CYP2C8: variants seen among roughly 807,000 people sequenced by gnomAD.
The protein encoded by CYP2C8 is cytochrome P450 2C8.
Under a neutral mutation model 41.3 loss-of-function variants are expected in CYP2C8, and 51 were observed. That is an observed-to-expected ratio of 1.24 (90% CI 0.99 to 1.56). CYP2C8 has a LOEUF of 1.56. Among genes scored for constraint, CYP2C8 ranks in the 40% most tolerant of loss-of-function variants. The probability of loss-of-function intolerance (pLI) is 0.00; values close to 1 mark genes in which losing one functional copy is unlikely to be tolerated. For missense variants in CYP2C8, 651 were observed against 579.9 expected (o/e 1.12, Z -1.26); for synonymous variants, 218 against 205.8 (o/e 1.06, Z -0.51).
Position 95,036,780 on chromosome 10 carries a change from C to A in CYP2C8, c.*348G>T. ...AGGGAAAGTCTGAGAACTGAACCAG[C>A]AATTAATAACACTTTTTATTTAGCA... On this transcript the variant is annotated 3_prime_UTR_variant, in exon 9 of 9. Coordinates refer to ENST00000371270, the MANE Select transcript of CYP2C8 (RefSeq NM_000770.3). 3.2e-6 allele frequency: 1 copy of A among 316,262 alleles called. No individual in the cohort carries two copies. Among genetic ancestry groups the A allele is most frequent in the Non-Finnish European group, 6.1e-6 (1 of 164,238 alleles). 19.6% of individuals were successfully genotyped at this position (316,262 alleles called of 1,614,324 possible).
chr10:95,046,063 A>C, intron 5 of CYP2C8, 112 bp from the exon 6 acceptor site: 1 of 1,212,338 alleles, frequency 8.2e-7, no homozygotes, highest in South Asian at 1.3e-5. Context: ...GATACTGGAC[A>C]GTACAGTATT....
At chr10:95,039,756 G>A (rs1474026052) in intron 7 of CYP2C8, among the ~76,000 whole-genome samples, 1 of 152,278 alleles carries the variant, frequency 6.6e-6, no homozygotes, top group African/African-American at 2.4e-5. Flanking sequence ...CCCCTACAAT[G>A]GTAAGATCTG....
intron 5 of CYP2C8, among the ~76,000 whole-genome samples, chr10:95,049,547 G>A (rs2033176529): frequency 6.6e-6 from 1 of 152,154 alleles, no homozygotes; most frequent in Non-Finnish European, 1.5e-5. Context: ...CACAGAGGGA[G>A]CATTTAAACC....
At position 95,064,843 on chromosome 10, in the gene CYP2C8, C is replaced by T. The variant is rs1238654173; in HGVS notation, c.599G>A (p.Arg200Lys). 3.1e-6 allele frequency: 5 copies of T among 1,613,874 alleles called. No individual in the cohort carries two copies. Among genetic ancestry groups the T allele is most frequent in the Non-Finnish European group, 4.2e-6 (5 of 1,179,970 alleles). The change falls in exon 4 of 9, where the codon AGA becomes AAA. Residue 200 changes from arginine (R) to lysine (K), a missense_variant. Arg to Lys is a conservative substitution (Grantham distance 26). Coordinates refer to ENST00000371270, the MANE Select transcript of CYP2C8 (RefSeq NM_000770.3). ...CAGAATCCTGAAGTTTTCATTGAAT[C>T]TTTTCATCAGGGTGAGAAAATTCTG... The part of the protein sequence containing the change: ...KDQNFLTLMK[R>K]FNENFRILNS...
Position 95,069,237 on chromosome 10 carries a change from T to G in CYP2C8, c.166A>C (p.Asn56His). Residue 56 changes from asparagine (N) to histidine (H), a missense_variant and splice_region_variant, in exon 1 of 9, where the codon AAT (asparagine) becomes CAT (histidine). Coordinates refer to ENST00000371270, the MANE Select transcript of CYP2C8 (RefSeq NM_000770.3). The stretch of plus-strand genomic sequence containing the variant: ...GGAGGAACATAAGGCAGACTTACAT[T>G]GGTGAAAGATTTGCAGATGTCCTTA... ...DVKDICKSFT[N>H]FSKVYGPVFT... 1 of 1,614,128 alleles carries G rather than the reference T, an allele frequency of 6.2e-7. No homozygotes were observed. Among genetic ancestry groups the G allele is most frequent in the Non-Finnish European group, 8.5e-7 (1 of 1,180,024 alleles).
chr10:95,067,203 C>A lies in CYP2C8; in HGVS notation c.481+5G>T, dbSNP rs368299637. The stretch of plus-strand genomic sequence containing the variant: ...AGGTCAATGACGCAGAGTAGAGTCA[C>A]CCACCCTTGGTTTTTCTCAACTCCT... On this transcript the variant is annotated splice_donor_5th_base_variant and intron_variant, in intron 3 of 8. Coordinates refer to ENST00000371270, the MANE Select transcript of CYP2C8 (RefSeq NM_000770.3). 1.2e-5 allele frequency: 20 copies of A among 1,613,928 alleles called. No individual in the cohort carries two copies. The African/African-American group carries it at 2.5e-4, about 20-fold the overall frequency.
At chr10:95,053,277 C>A (rs572677659) in intron 5 of CYP2C8, among the ~76,000 whole-genome samples, 24 of 152,076 alleles carry the variant, frequency 1.6e-4, no homozygotes, top group African/African-American at 5.5e-4. Context: ...CAGATGCTGG[C>A]GATGATGCAG....
At chr10:95,050,089 C>T (rs766341085) in intron 5 of CYP2C8, among the ~76,000 whole-genome samples, 2 of 151,980 alleles carry the variant, frequency 1.3e-5, no homozygotes, top group Non-Finnish European at 2.9e-5. Context: ...CAAGTGCACT[C>T]CTGGACTCTC....
At chr10:95,056,577 A>T (rs1209549628) in intron 5 of CYP2C8, among the ~76,000 whole-genome samples, 4 of 152,194 alleles carry the variant, frequency 2.6e-5, no homozygotes, top group Non-Finnish European at 2.9e-5. Context: ...ACACAAAACA[A>T]CAAAGTACTA....
chr10:95,042,869 G>C (rs375273765), intron 7 of CYP2C8, 21 bp downstream of exon 7: 115 of 1,600,076 alleles, frequency 7.2e-5, no homozygotes, highest in Non-Finnish European at 9.4e-5. Flanking sequence ...CAGAAATATA[G>C]TGTAAGAGAA....
chr10:95,062,449 A>T (rs935230629), intron 4 of CYP2C8, among the ~76,000 whole-genome samples: 1 of 152,096 alleles, frequency 6.6e-6, no homozygotes, highest in Non-Finnish European at 1.5e-5. Flanking sequence ...TTTATCAGAG[A>T]TTAGGATTGC....
At chr10:95,065,066 C>G in intron 3 of CYP2C8, 106 bp from the exon 4 acceptor site, 3 of 1,059,922 alleles carry the variant, frequency 2.8e-6, no homozygotes, top group Non-Finnish European at 3.7e-6. Flanking sequence ...CAATATCTTA[C>G]AAATTCCCCA....
chr10:95,066,864 A>C (rs1589449039), intron 3 of CYP2C8, among the ~76,000 whole-genome samples: 1 of 152,232 alleles, frequency 6.6e-6, no homozygotes, highest in East Asian at 1.9e-4. Context: ...TGGTGGAGGT[A>C]ATGCAGATTT....
Position 95,042,901 on chromosome 10 carries a change from G to A in CYP2C8, c.1138C>T (p.Leu380Phe). 2 of 1,613,462 alleles carry A rather than the reference G, an allele frequency of 1.2e-6. No individual in the cohort carries two copies. The highest frequency in any genetic ancestry group is 2.2e-5 in the East Asian group (1 of 44,890). The change falls in exon 7 of 9, where the codon CTC becomes TTC. Residue 380 changes from leucine to phenylalanine, a missense_variant. Leu to Phe is a conservative substitution (Grantham distance 22). Transcript: ENST00000371270. The stretch of plus-strand genomic sequence containing the variant: ...AGAAACAAGCTTACCTTGGGGATGA[G>A]GTAGTTTCTGAACTTAGTATCAGTG... ...VTTDTKFRNY[L>F]IPKGTTIMAL...
At chr10:95,062,779 G>T (rs2033466977) in intron 4 of CYP2C8, among the ~76,000 whole-genome samples, 8 of 152,182 alleles carry the variant, frequency 5.3e-5, no homozygotes, top group Admixed American at 5.2e-4. Flanking sequence ...GCTGGTACCG[G>T]TTGTTCCTTT....
intron 7 of CYP2C8, among the ~76,000 whole-genome samples, chr10:95,042,678 A>G (rs565537760): frequency 5.6e-4 from 86 of 152,342 alleles, no homozygotes; most frequent in South Asian, 2.9e-3. Context: ...TTCAACAATT[A>G]TTTGAAAGTG....
At chr10:95,042,758 G>T in intron 7 of CYP2C8, 132 bp downstream of exon 7, 1 of 789,990 alleles carries the variant, frequency 1.3e-6, no homozygotes. Flanking sequence ...CAAAATAGCA[G>T]AAAGTCCATC....
At chr10:95,067,724 A>AG (rs1564743281) in intron 1 of CYP2C8, 33 bp from the exon 2 acceptor site, 1 of 1,607,658 alleles carries the variant, frequency 6.2e-7, no homozygotes, top group East Asian at 2.2e-5. Flanking sequence ...CAGCAAAATA[A>AG]GTCGCTATTT....
In CYP2C8 at chr10:95,069,310, A is replaced by G; in HGVS notation, c.93T>C (p.Pro31=). 1.2e-6 allele frequency: 2 copies of G among 1,614,072 alleles called. No homozygotes were observed. Among genetic ancestry groups the G allele is most frequent in the Non-Finnish European group, 1.7e-6 (2 of 1,179,960 alleles). ...CAATAATAGGAAGAGGAGTGGGGCC[A>G]GGAGGGAGCTTCCTTCTCCTACAGC... ...RQSCRRRKLP[P]GPTPLPIIGN... Residue 31 remains proline (P), a synonymous_variant, in exon 1 of 9, where the codon CCT becomes CCC. Transcript: ENST00000371270.
Sources: gnomAD v4.1 joint callset for allele counts (sites outside exome capture counted in the v4.1 genomes callset) on GRCh38, gnomAD v4.1.1 for gene constraint, MANE v1.5 for transcripts, NCBI Gene and HGNC (gene_info 2026-07-23, HGNC 2026-07-21) for gene names.